The following TTC21B variants were observed in gnomAD, a reference collection of about 807,000 sequenced individuals.
The protein encoded by TTC21B is tetratricopeptide repeat domain 21B.
TTC21B carries 127 observed loss-of-function variants against 175.1 expected under a neutral mutation model. That is an observed-to-expected ratio of 0.73 (90% CI 0.63 to 0.84). The LOEUF is 0.84. TTC21B is among the 40% of genes least tolerant of loss of function. TTC21B has a pLI of 0.00. For missense variants in TTC21B, 1,561 were observed against 1,558.3 expected (o/e 1.00, Z -0.03); for synonymous variants, 524 against 524.5 (o/e 1.00, Z 0.01).
chr2:165,892,901 A>G (rs1156671638), intron 22 of TTC21B, among the ~76,000 whole-genome samples: 1 of 152,198 alleles, frequency 6.6e-6, no homozygotes, highest in African/African-American at 2.4e-5. Flanking sequence ...AATACAAAAT[A>G]TTCTTTAAAA....
chr2:165,882,768 ATTG>A, intron 26 of TTC21B, among the ~76,000 whole-genome samples: 1 of 152,326 alleles, frequency 6.6e-6, no homozygotes, highest in East Asian at 1.9e-4. Flanking sequence ...CATGCAATGT[ATTG>A]TTATCAGCGT....
chr2:165,946,866 T>C (rs1202404918), intron 3 of TTC21B, among the ~76,000 whole-genome samples: 1 of 152,002 alleles, frequency 6.6e-6, no homozygotes, highest in Non-Finnish European at 1.5e-5. Flanking sequence ...AATATAGCTA[T>C]AGAGTTTACA....
intron 11 of TTC21B, among the ~76,000 whole-genome samples, chr2:165,926,846 A>T (rs1686647164): frequency 6.7e-6 from 1 of 150,366 alleles, no homozygotes; most frequent in Non-Finnish European, 1.5e-5. Context: ...TGAACATTGG[A>T]CTCCAAGTTC....
At chr2:165,949,268 G>A (rs1047532230) in intron 3 of TTC21B, 126 bp downstream of exon 3, 2 of 740,868 alleles carry the variant, frequency 2.7e-6, no homozygotes, top group Non-Finnish European at 4.8e-6. Context: ...ATAAACATAT[G>A]TATAAATTGT....
chr2:165,919,163 C>G (rs1284572076), intron 13 of TTC21B, 113 bp downstream of exon 13: 2 of 1,267,752 alleles, frequency 1.6e-6, no homozygotes, highest in Non-Finnish European at 2.3e-6. Flanking sequence ...TTTTTTTTTC[C>G]ATTAAAAATG....
intron 8 of TTC21B, among the ~76,000 whole-genome samples, 175 bp from the exon 9 acceptor site, chr2:165,930,539 A>G (rs985847513): frequency 6.6e-6 from 1 of 151,436 alleles, no homozygotes; most frequent in African/African-American, 2.4e-5. Flanking sequence ...ATGCATCAAG[A>G]AAGAGTTTAT....
At chr2:165,951,649 T>C (rs1687765399) in intron 1 of TTC21B, among the ~76,000 whole-genome samples, 1 of 152,146 alleles carries the variant, frequency 6.6e-6, no homozygotes, top group Admixed American at 6.5e-5. Flanking sequence ...TTGGTTCAGG[T>C]TAGGTTATTC....
chr2:165,880,837 A>T (rs373698441), intron 26 of TTC21B, 38 bp from the exon 27 acceptor site: 1 of 1,602,322 alleles, frequency 6.2e-7, no homozygotes, highest in Non-Finnish European at 8.5e-7. Flanking sequence ...ATTAAACTTG[A>T]TATCACTAAG....
chr2:165,896,589 G>C (rs926258604), intron 22 of TTC21B, among the ~76,000 whole-genome samples: 3 of 152,136 alleles, frequency 2.0e-5, no homozygotes, highest in Non-Finnish European at 1.5e-5. Context: ...ACTTGATGTA[G>C]GCCAGTGAGG....
rs551411661 is a variant in TTC21B at position 165,914,657 on chromosome 2, C to CTGTGTGTGTGTGTGTG, written c.2138+528_2138+543dup. 6.7e-3 allele frequency among the ~76,000 whole-genome samples: 795 copies of CTGTGTGTGTGTGTGTG among 118,144 alleles called. 9 individuals carry two copies. Among genetic ancestry groups the CTGTGTGTGTGTGTGTG allele is most frequent in the Admixed American group, 0.011 (122 of 11,332 alleles). 77.5% of individuals were successfully genotyped at this position (118,144 alleles called of 152,430 possible). A position where few individuals can be genotyped will look rare whatever the true frequency, so the allele number is the denominator to read the frequency against. On this transcript the variant is annotated intron_variant, in intron 15 of 28. Coordinates refer to ENST00000243344, the MANE Select transcript of TTC21B (RefSeq NM_024753.5). Reference sequence around the variant, plus strand: ...GTTTGGGGAGAAGAGGAAGAGCAATCTGTGTGTGTGTGTGTGTGTGTGTGT... The same window carrying CTGTGTGTGTGTGTGTG: ...GTTTGGGGAGAAGAGGAAGAGCAATCTGTGTGTGTGTGTGTGTGTGTGTGTGTGTGTGTGTGTGTGT...
At chr2:165,920,814 A>ATATTTTGAAATATTTTAAAT (rs1559060477) in intron 12 of TTC21B, among the ~76,000 whole-genome samples, 13 of 151,958 alleles carry the variant, frequency 8.6e-5, no homozygotes, top group South Asian at 2.1e-4. Context: ...AATATTTAAA[A>ATATTTTGAAATATTTTAAAT]ATGAGAAGTG....
chr2:165,912,862 T>A (rs997397407), intron 16 of TTC21B, among the ~76,000 whole-genome samples: 3 of 152,204 alleles, frequency 2.0e-5, no homozygotes, highest in African/African-American at 7.2e-5. Flanking sequence ...TCTATATAAA[T>A]AACAATATGT....
intron 14 of TTC21B, among the ~76,000 whole-genome samples, chr2:165,916,287 A>T (rs1363490109): frequency 6.6e-6 from 1 of 152,096 alleles, no homozygotes; most frequent in Non-Finnish European, 1.5e-5. Flanking sequence ...AATAAATGGA[A>T]ATTCTTTGTG....
chr2:165,949,499 T>C lies in TTC21B; in HGVS notation c.157A>G (p.Thr53Ala). 6.2e-7 allele frequency: 1 copy of C among 1,613,754 alleles called. No homozygotes were observed. The highest frequency in any genetic ancestry group is 8.5e-7 in the Non-Finnish European group (1 of 1,179,794). ...TCAAATTCTCGAAGAGCTTCTTGAG[T>C]TTTACCTGAAAATCAAGATTATGAT... ...HAYGTLMEGK[T>A]QEALREFEAI... The change falls in exon 3 of 29, where the codon ACT becomes GCT. Residue 53 changes from threonine (T) to alanine (A), a missense_variant. By Grantham distance (58) the Thr-to-Ala change is moderately conservative (BLOSUM62 0). Coordinates refer to ENST00000243344, the MANE Select transcript of TTC21B (RefSeq NM_024753.5).
intron 17 of TTC21B, 41 bp downstream of exon 17, chr2:165,912,473 A>C (rs774728964): frequency 1.3e-6 from 2 of 1,501,228 alleles, no homozygotes; most frequent in Non-Finnish European, 1.9e-6. Flanking sequence ...GGTATGATAA[A>C]TTTGATGCAA....
At chr2:165,876,979 G>A (rs1213718053) in intron 27 of TTC21B, among the ~76,000 whole-genome samples, 1 of 152,146 alleles carries the variant, frequency 6.6e-6, no homozygotes, top group African/African-American at 2.4e-5. Context: ...TGACTGGTAA[G>A]AATTATCACA....
intron 27 of TTC21B, among the ~76,000 whole-genome samples, chr2:165,876,922 C>G (rs1553504683): frequency 2.0e-5 from 3 of 152,102 alleles, no homozygotes; most frequent in Non-Finnish European, 4.4e-5. Context: ...GGTGAGAAGA[C>G]AGAGCACATA....
intron 12 of TTC21B, among the ~76,000 whole-genome samples, chr2:165,920,078 TAAG>T (rs1244205408): frequency 6.6e-6 from 1 of 152,144 alleles, no homozygotes; most frequent in Non-Finnish European, 1.5e-5. Flanking sequence ...ATAGATGCGG[TAAG>T]AAGAGGCTCT....
chr2:165,936,174 T>C (rs1167678939), intron 6 of TTC21B, among the ~76,000 whole-genome samples: 1 of 152,090 alleles, frequency 6.6e-6, no homozygotes, highest in Admixed American at 6.6e-5. Context: ...GATAGTAAAC[T>C]GATCTTTGAC....
Sources: allele counts gnomAD v4.1 joint callset (sites outside exome capture counted in the v4.1 genomes callset), GRCh38; gene constraint gnomAD v4.1.1; transcripts MANE v1.5; gene names NCBI Gene and HGNC (gene_info 2026-07-23, HGNC 2026-07-21).